SAFB2: variants seen among roughly 807,000 people sequenced by gnomAD.
The protein encoded by SAFB2 is scaffold attachment factor B2.
A neutral mutation model predicts 100.6 loss-of-function variants in SAFB2; 32 were observed. That is an observed-to-expected ratio of 0.32 (90% CI 0.24 to 0.43). The LOEUF is 0.43. Among genes scored for constraint, SAFB2 ranks in the 20% least tolerant of loss-of-function variants. SAFB2 has a pLI of 1.00. For synonymous variants in SAFB2, 500 were observed against 439.4 expected, an observed-to-expected ratio of 1.14 and a Z score of -1.72; for missense variants, 1,185 against 1,163.4, an observed-to-expected ratio of 1.02 and a Z score of -0.27.
At chr19:5,593,707 A>G in intron 15 of SAFB2, 184 bp downstream of exon 15, 1 of 594,940 alleles carries the variant, frequency 1.7e-6, no homozygotes, top group East Asian at 3.4e-5. Flanking sequence ...TCCGGTGAGG[A>G]CAGCGAACTA....
At chr19:5,605,413 C>T (rs1409363782) in intron 9 of SAFB2, among the ~76,000 whole-genome samples, 1 of 152,074 alleles carries the variant, frequency 6.6e-6, no homozygotes, top group East Asian at 1.9e-4. Flanking sequence ...CCACTAAATA[C>T]AACTGCTTTT....
At chr19:5,608,414 T>C (rs1049510774) in intron 9 of SAFB2, among the ~76,000 whole-genome samples, 1 of 152,232 alleles carries the variant, frequency 6.6e-6, no homozygotes, top group Admixed American at 6.5e-5. Flanking sequence ...TAATCATCAG[T>C]GTCCGAGTGA....
At position 5,587,511 on chromosome 19, in the gene SAFB2, G is replaced by T; in HGVS notation, c.2706-112C>A. ...TTAGAGCGCTTGGGTTTTTTTTCCA[G>T]GTGAGAAAAATCATCATCGCACATT... On this transcript the variant is annotated intron_variant, in intron 20 of 20. Coordinates refer to ENST00000252542, the MANE Select transcript of SAFB2 (RefSeq NM_014649.3). This position sits in a 1 kb window ranked among gnomAD's most constrained non-coding sequence, Gnocchi z 4.9. 1 of 1,478,294 alleles carries T rather than the reference G, an allele frequency of 6.8e-7. No homozygotes were observed. The highest frequency in any genetic ancestry group is 9.0e-7 in the Non-Finnish European group (1 of 1,109,304). 91.6% of individuals were successfully genotyped at this position (1,478,294 alleles called of 1,614,324 possible).
chr19:5,612,422 G>A (rs2052927912), intron 6 of SAFB2, 118 bp downstream of exon 6: 24 of 909,486 alleles, frequency 2.6e-5, no homozygotes, highest in Admixed American at 7.4e-5. Flanking sequence ...TGTATGATCT[G>A]GATTGTCCAC....
Position 5,592,767 on chromosome 19 carries a change from G to A in SAFB2, c.2328C>T (p.Tyr776=), listed in dbSNP as rs761558423. 6.2e-7 allele frequency: 1 copy of A among 1,614,180 alleles called. No homozygotes were observed. Among genetic ancestry groups the A allele is most frequent in the Non-Finnish European group, 8.5e-7 (1 of 1,180,022 alleles). The change falls in exon 16 of 21, where the codon TAC becomes TAT. Residue 776 remains tyrosine, a synonymous_variant. Transcript: ENST00000252542. ...HDFDHRDRGQ[Y]QDHAIDRREG... is the part of the protein sequence containing the mutation. ...CTGACCTGTCGATGGCGTGGTCCTG[G>A]TACTGGCCCCGGTCTCGATGATCGA...
At chr19:5,621,181 T>C in intron 2 of SAFB2, 128 bp downstream of exon 2, 1 of 703,366 alleles carries the variant, frequency 1.4e-6, no homozygotes, top group Non-Finnish European at 2.6e-6. Flanking sequence ...CGAGCAAAGC[T>C]AACTCTTAGT....
chr19:5,592,941 G>C, intron 15 of SAFB2, 54 bp from the exon 16 acceptor site: 6 of 1,566,632 alleles, frequency 3.8e-6, no homozygotes, highest in Non-Finnish European at 5.2e-6. Flanking sequence ...AGAGGAGGAG[G>C]AAAAAAGGAG....
rs1353797294 is a variant in SAFB2, at chr19:5,616,333, C to T, written c.342G>A (p.Glu114=). Residue 114 remains glutamate (E), a splice_region_variant and synonymous_variant, in exon 4 of 21, where the codon GAG becomes GAA. Transcript: ENST00000252542. ...GGTTCTCCAGACTTGCTTCCATGTC[C>T]TCCTGTAAAGAGGAAGAAGAATCGT... ...GLEDDSRDGQ[E]DMEASLENLQ... 3.7e-6 allele frequency: 6 copies of T among 1,614,150 alleles called. No individual in the cohort carries two copies. The South Asian group carries it at 6.6e-5, about 18-fold the overall frequency.
At position 5,600,264 on chromosome 19, in the gene SAFB2, T is replaced by C; in HGVS notation, c.1560-4A>G. The C allele has an allele frequency of 6.2e-7, 1 of 1,611,026 alleles. No homozygotes were observed. Among genetic ancestry groups the C allele is most frequent in the Non-Finnish European group, 8.5e-7 (1 of 1,179,220 alleles). On this transcript the variant is annotated splice_polypyrimidine_tract_variant and splice_region_variant and intron_variant, in intron 11 of 20. Transcript: ENST00000252542. ...CTCTTCCTTCTTAATTACAGTTCTA[T>C]TTAAAGACATGGTTATCAAATTTGA...
intron 1 of SAFB2, among the ~76,000 whole-genome samples, chr19:5,621,620 G>C (rs1183586867): frequency 6.6e-6 from 1 of 152,230 alleles, no homozygotes; most frequent in Non-Finnish European, 1.5e-5. Flanking sequence ...GTGAGCAGGA[G>C]CTCCAGAATT....
intron 15 of SAFB2, 38 bp from the exon 16 acceptor site, chr19:5,592,925 A>G: frequency 6.2e-7 from 1 of 1,603,040 alleles, no homozygotes. Context: ...AAATTCCATT[A>G]ATGAGAGAGG....
rs1246795817 is a variant in SAFB2 at position 5,622,576 on chromosome 19, A to C, written c.140T>G (p.Leu47Arg). The C allele has an allele frequency of 1.2e-6, 2 of 1,613,246 alleles. No individual in the cohort carries two copies. Among genetic ancestry groups the C allele is most frequent in the Admixed American group, 3.3e-5 (2 of 59,990 alleles). Reference sequence around the variant, plus strand: ...GACGCTCTTGTTGCCGCCCGTGTCCAGGTTCCGCTTCTTCAGCTCCGCCCG... The same window carrying C: ...GACGCTCTTGTTGCCGCCCGTGTCCCGGTTCCGCTTCTTCAGCTCCGCCCG... ...DLRAELKKRN[L>R]DTGGNKSVLM... is the part of the protein sequence containing the mutation. The change falls in exon 1 of 21, where the codon CTG becomes CGG. Residue 47 changes from leucine to arginine, a missense_variant. Leu to Arg is a moderately radical substitution (Grantham distance 102). This residue lies in a region of SAFB2 where 351 missense variants were observed against 341.2 expected (regional missense o/e 1.03). Coordinates refer to ENST00000252542, the MANE Select transcript of SAFB2 (RefSeq NM_014649.3).
chr19:5,616,384 G>C (rs1273699591), intron 3 of SAFB2, 38 bp downstream of exon 3: 1 of 1,613,668 alleles, frequency 6.2e-7, no homozygotes, highest in African/African-American at 1.3e-5. Context: ...CCAGGACAGG[G>C]AGCTGCTGCT....
chr19:5,598,030 G>A lies in SAFB2; in HGVS notation c.1782+763C>T, dbSNP rs539149997. On this transcript the variant is annotated intron_variant, in intron 13 of 20. Coordinates refer to ENST00000252542, the MANE Select transcript of SAFB2 (RefSeq NM_014649.3). ...CTGTTGCCTGTAATCCCAGCTACTC[G>A]AGAGGCTGAGGCAGGAGTCGCTTGA... is the stretch of plus-strand genomic sequence containing the variant. Among the ~76,000 whole-genome samples the A allele has an allele frequency of 2.0e-5, 3 of 151,394 alleles. No homozygotes were observed. The South Asian group carries it at 6.3e-4, about 32-fold the overall frequency.
Position 5,598,791 on chromosome 19 carries a change from ACT to A in SAFB2, c.1782_1782+1del. The A allele has an allele frequency of 6.2e-7, 1 of 1,612,896 alleles. No individual in the cohort carries two copies. Among genetic ancestry groups the A allele is most frequent in the Non-Finnish European group, 8.5e-7 (1 of 1,179,072 alleles). On this transcript the variant is annotated splice_donor_variant and coding_sequence_variant, in exon 13 of 21. Coordinates refer to ENST00000252542, the MANE Select transcript of SAFB2 (RefSeq NM_014649.3). LOFTEE classifies it high-confidence loss of function. ...CCCTGAGATGGCAGAGGCAATACTC[ACT>A]CTCTCTTTGGACCTGCTTGTGGTTT...
rs181344550 is a variant in SAFB2, at chr19:5,606,284, A to G, written c.1297-1348T>C. On this transcript the variant is annotated intron_variant, in intron 9 of 20. Transcript: ENST00000252542. The stretch of plus-strand genomic sequence containing the variant: ...GCTCAAGGGTATTTGTAGAGATACA[A>G]GTATAACTAGCACCCAAAAAATACA... Among the ~76,000 whole-genome samples, 385 of 152,370 alleles carry G rather than the reference A, an allele frequency of 2.5e-3. 3 individuals are homozygous for G. The highest frequency in any genetic ancestry group is 9.1e-3 in the African/African-American group (377 of 41,590).
At chr19:5,613,393 C>T (rs926784152) in intron 5 of SAFB2, 72 bp downstream of exon 5, 12 of 1,314,780 alleles carry the variant, frequency 9.1e-6, no homozygotes, top group Admixed American at 6.9e-5. Context: ...CACATACACA[C>T]TGCTCTTTCA....
At chr19:5,595,255 C>T in intron 14 of SAFB2, 106 bp downstream of exon 14, 1 of 1,421,394 alleles carries the variant, frequency 7.0e-7, no homozygotes, top group Admixed American at 2.1e-5. Flanking sequence ...CCAGCCCAGG[C>T]ACTGGCTCTC....
intron 16 of SAFB2, 69 bp downstream of exon 16, chr19:5,592,678 G>A (rs2052435861): frequency 7.0e-6 from 11 of 1,581,914 alleles, no homozygotes; most frequent in Non-Finnish European, 9.5e-6. Flanking sequence ...ACTGGGCTGA[G>A]AACGAGGTCA....
Sources: gnomAD v4.1 joint callset for allele counts (sites outside exome capture counted in the v4.1 genomes callset) on GRCh38, gnomAD v4.1.1 for gene constraint, gnomAD v4.1.1 regional missense constraint, Gnocchi (gnomAD v3.1) non-coding constraint, MANE v1.5 for transcripts, NCBI Gene and HGNC (gene_info 2026-07-23, HGNC 2026-07-21) for gene names.